Variants in CSMD1 observed in about 807,000 individuals in gnomAD.
CSMD1 encodes the protein CUB and sushi domain-containing protein 1.
CSMD1 carries 213 observed loss-of-function variants against 417.5 expected under a neutral mutation model. The observed-to-expected ratio is 0.51, with a 90% confidence interval of 0.46 to 0.57. The LOEUF (loss-of-function observed/expected upper bound fraction) is 0.57, where lower values mean the gene tolerates loss of function less well. CSMD1 is among the 20% of genes least tolerant of loss of function. The pLI is 0.00. For synonymous variants in CSMD1, 2,862 were observed against 1,736.8 expected (o/e 1.65, Z -16.11); for missense variants, 6,923 against 4,529.7 (o/e 1.53, Z -15.17).
intron 3 of CSMD1, among the ~76,000 whole-genome samples, chr8:4,097,671 A>C (rs1233106481): frequency 6.6e-6 from 1 of 152,228 alleles, no homozygotes; most frequent in Non-Finnish European, 1.5e-5. Flanking sequence ...GTTCTTGTTT[A>C]AGACAGTGAA....
chr8:3,712,150 G>A (rs1563299516), intron 6 of CSMD1, among the ~76,000 whole-genome samples: 1 of 96,746 alleles, frequency 1.0e-5, no homozygotes, highest in Non-Finnish European at 2.4e-5. Flanking sequence ...GTTGTAATTT[G>A]TTTCAAGTTA....
At chr8:4,059,627 C>T (rs1798869156) in intron 3 of CSMD1, among the ~76,000 whole-genome samples, 1 of 152,104 alleles carries the variant, frequency 6.6e-6, no homozygotes, top group East Asian at 1.9e-4. Context: ...ACCGATCCCA[C>T]AGAAATACAA....
chr8:4,668,087 C>A (rs1367411083), intron 1 of CSMD1, among the ~76,000 whole-genome samples: 3 of 152,170 alleles, frequency 2.0e-5, no homozygotes, highest in Non-Finnish European at 1.5e-5. Context: ...TAATCTTATT[C>A]TACCTTGCAC....
intron 1 of CSMD1, among the ~76,000 whole-genome samples, chr8:4,989,798 G>T (rs13265122): frequency 7.9e-5 from 12 of 152,164 alleles, no homozygotes; most frequent in Admixed American, 2.6e-4. Context: ...TTGCTGTATC[G>T]TCTGCTTATA....
intron 1 of CSMD1, among the ~76,000 whole-genome samples, chr8:4,927,087 CATTATTATTATTATT>C (rs142803606): frequency 1.4e-5 from 2 of 143,462 alleles, no homozygotes; most frequent in Admixed American, 7.1e-5. Context: ...GCTTTCAATG[CATTATTATTATTATT>C]ATTATTATTA....
chr8:4,211,950 T>A (rs1419093726), intron 3 of CSMD1, among the ~76,000 whole-genome samples: 1 of 152,154 alleles, frequency 6.6e-6, no homozygotes, highest in Non-Finnish European at 1.5e-5. Flanking sequence ...GTCAACTGTA[T>A]TCCTATCTTA....
rs369471162 is a variant in CSMD1, at chr8:3,308,412, C to T, written c.3723G>A (p.Leu1241=). ...TGGCGTACCCCGGGTTGCAACTGTA[C>T]AGAACTACAGTGTCGGTAAAGTGGC... is the stretch of plus-strand genomic sequence containing the variant. ...DEGHFTDTVV[L]YSCNPGYAMH... is the part of the protein sequence containing the mutation. The change falls in exon 24 of 70, where the codon CTG becomes CTA. Residue 1241 remains leucine, a synonymous_variant. Coordinates refer to ENST00000635120, the MANE Select transcript of CSMD1 (RefSeq NM_033225.6). 4 of 1,613,592 alleles carry T rather than the reference C, an allele frequency of 2.5e-6. No individual in the cohort carries two copies. Among genetic ancestry groups the T allele is most frequent in the Non-Finnish European group, 3.4e-6 (4 of 1,179,604 alleles).
intron 7 of CSMD1, among the ~76,000 whole-genome samples, chr8:3,636,739 G>A (rs537887903): frequency 4.6e-5 from 7 of 152,336 alleles, no homozygotes; most frequent in Admixed American, 3.9e-4. Context: ...CTGGCTCAGC[G>A]AGGATGGCAG....
chr8:3,070,008 G>C (rs1813221405), intron 49 of CSMD1, among the ~76,000 whole-genome samples: 1 of 152,322 alleles, frequency 6.6e-6, no homozygotes, highest in African/African-American at 2.4e-5. Context: ...CTTCGGAACG[G>C]GGTCTGAGCT....
intron 1 of CSMD1, among the ~76,000 whole-genome samples, chr8:4,647,579 CA>C (rs1803617338): frequency 6.6e-6 from 1 of 152,174 alleles, no homozygotes. Flanking sequence ...CCCCACCCCC[CA>C]ATATGTCCTG....
intron 1 of CSMD1, among the ~76,000 whole-genome samples, chr8:4,977,168 C>T (rs766734209): frequency 2.6e-5 from 4 of 152,120 alleles, no homozygotes; most frequent in Non-Finnish European, 4.4e-5. Flanking sequence ...TTGAACTTTT[C>T]CTTGTTAACT....
chr8:3,689,193 T>G (rs750593586), intron 7 of CSMD1, among the ~76,000 whole-genome samples: 4 of 152,166 alleles, frequency 2.6e-5, no homozygotes, highest in African/African-American at 7.2e-5. Context: ...TTCAGGGAGC[T>G]GCACACAAGT....
chr8:4,162,215 TTGTTA>T (rs1397105879), intron 3 of CSMD1, among the ~76,000 whole-genome samples: 2 of 152,198 alleles, frequency 1.3e-5, no homozygotes, highest in Non-Finnish European at 2.9e-5. Flanking sequence ...TGTCTTTTAA[TTGTTA>T]TGTTACCAGT....
At chr8:4,318,691 G>A (rs1334257332) in intron 3 of CSMD1, among the ~76,000 whole-genome samples, 2 of 135,872 alleles carry the variant, frequency 1.5e-5, no homozygotes, top group Non-Finnish European at 3.1e-5. Context: ...TAACTCAAAG[G>A]CTTAATATTA....
intron 3 of CSMD1, among the ~76,000 whole-genome samples, chr8:4,334,070 T>C (rs1184425723): frequency 6.6e-6 from 1 of 151,940 alleles, no homozygotes; most frequent in Admixed American, 6.6e-5. Flanking sequence ...ATTATGATGA[T>C]GATGATGATG....
chr8:3,430,175 C>G (rs1247552852), intron 12 of CSMD1, among the ~76,000 whole-genome samples: 3 of 152,020 alleles, frequency 2.0e-5, no homozygotes, highest in African/African-American at 4.8e-5. Flanking sequence ...ACTGGGAATT[C>G]TAATATCTCA....
intron 26 of CSMD1, among the ~76,000 whole-genome samples, chr8:3,258,655 A>G (rs1416952943): frequency 6.6e-6 from 1 of 152,226 alleles, no homozygotes; most frequent in Non-Finnish European, 1.5e-5. Flanking sequence ...TGTTCAGTGC[A>G]GCACTATTCA....
intron 7 of CSMD1, among the ~76,000 whole-genome samples, chr8:3,653,174 A>G (rs1363705318): frequency 6.6e-6 from 1 of 151,878 alleles, no homozygotes; most frequent in African/African-American, 2.4e-5. Context: ...TTTTAAATAT[A>G]TAAATATACA....
intron 10 of CSMD1, among the ~76,000 whole-genome samples, chr8:3,518,276 A>T (rs551766626): frequency 3.9e-5 from 6 of 152,226 alleles, no homozygotes; most frequent in Non-Finnish European, 7.4e-5. Context: ...AGAAAATTAT[A>T]TAAGAGAGAA....
Sources: gnomAD v4.1 joint callset for allele counts (sites outside exome capture counted in the v4.1 genomes callset) on GRCh38, gnomAD v4.1.1 for gene constraint, MANE v1.5 for transcripts, NCBI Gene and HGNC (gene_info 2026-07-23, HGNC 2026-07-21) for gene names.